Variants in CSMD1 observed in about 807,000 individuals in gnomAD.
CSMD1 encodes the protein CUB and Sushi multiple domains 1.
CSMD1 carries 213 observed loss-of-function variants against 417.5 expected under a neutral mutation model. That is an observed-to-expected ratio of 0.51 (90% CI 0.46 to 0.57). CSMD1 has a LOEUF of 0.57. CSMD1 is among the 20% of genes least tolerant of loss of function. The pLI is 0.00. For missense variants in CSMD1, 6,923 were observed against 4,529.7 expected (o/e 1.53, Z -15.17); for synonymous variants, 2,862 against 1,736.8 (o/e 1.65, Z -16.11).
rs1160679199 is a variant in CSMD1, at chr8:3,729,922, T to TAAAAAAAA, written c.932-21439_932-21432dup. On this transcript the variant is annotated intron_variant, in intron 6 of 69. Transcript: ENST00000635120. ...AGAATTATTATTTGCCAATTCAAAG[T>TAAAAAAAA]AAAAAAAAAAAAAAAAAAAAAAAAA... Among the ~76,000 whole-genome samples the TAAAAAAAA allele has an allele frequency of 1.2e-3, 57 of 47,060 alleles. 4 individuals are homozygous for TAAAAAAAA. The highest frequency in any genetic ancestry group is 7.4e-3 in the African/African-American group (54 of 7,314). 30.9% of individuals were successfully genotyped at this position (47,060 alleles called of 152,430 possible).
chr8:4,114,133 G>A (rs988837033), intron 3 of CSMD1, among the ~76,000 whole-genome samples: 7 of 152,250 alleles, frequency 4.6e-5, no homozygotes, highest in Middle Eastern at 6.8e-3. Flanking sequence ...GAGGAAAGAG[G>A]GTAAGTCAAT....
intron 26 of CSMD1, among the ~76,000 whole-genome samples, chr8:3,272,859 C>G (rs1361301443): frequency 6.6e-6 from 1 of 150,640 alleles, no homozygotes; most frequent in African/African-American, 2.5e-5. Flanking sequence ...TCCAGATATA[C>G]AATCATGTCG....
intron 2 of CSMD1, among the ~76,000 whole-genome samples, chr8:4,630,265 TACACACACACACAC>T (rs57214957): frequency 1.5e-4 from 23 of 149,044 alleles, no homozygotes; most frequent in African/African-American, 2.5e-4. Flanking sequence ...ACACAGCAAA[TACACACACACACAC>T]ACACACACAC....
chr8:4,252,776 C>A (rs1200795892), intron 3 of CSMD1, among the ~76,000 whole-genome samples: 1 of 152,224 alleles, frequency 6.6e-6, no homozygotes, highest in African/African-American at 2.4e-5. Context: ...ACATACACCA[C>A]TGACATTTAT....
chr8:3,602,359 G>C (rs951224080), intron 8 of CSMD1, among the ~76,000 whole-genome samples: 4 of 152,074 alleles, frequency 2.6e-5, no homozygotes, highest in African/African-American at 9.7e-5. Context: ...TTCCGGTGGA[G>C]GCATAGAGGA....
chr8:4,174,926 A>T (rs1380630699), intron 3 of CSMD1, among the ~76,000 whole-genome samples: 1 of 151,150 alleles, frequency 6.6e-6, no homozygotes, highest in Non-Finnish European at 1.5e-5. Flanking sequence ...AACTGATGTC[A>T]ACTCCTTAAT....
At chr8:4,720,516 C>T (rs549060277) in intron 1 of CSMD1, among the ~76,000 whole-genome samples, 11 of 152,220 alleles carry the variant, frequency 7.2e-5, no homozygotes, top group South Asian at 2.1e-4. Context: ...CTCCTGGGTT[C>T]AAGCAAGTCT....
chr8:4,491,611 CAAG>C (rs1219118429), intron 2 of CSMD1, among the ~76,000 whole-genome samples: 5 of 152,026 alleles, frequency 3.3e-5, no homozygotes, highest in Non-Finnish European at 7.4e-5. Context: ...AAAAAAGATA[CAAG>C]GAGAGTAAAT....
chr8:4,710,077 G>T (rs1808192834), intron 1 of CSMD1, among the ~76,000 whole-genome samples: 1 of 152,108 alleles, frequency 6.6e-6, no homozygotes, highest in Non-Finnish European at 1.5e-5. Flanking sequence ...TCTGGGGCAA[G>T]AACACAAAAT....
At chr8:4,992,287 G>T (rs1811512010) in intron 1 of CSMD1, among the ~76,000 whole-genome samples, 1 of 152,122 alleles carries the variant, frequency 6.6e-6, no homozygotes, top group Non-Finnish European at 1.5e-5. Flanking sequence ...GGCGGAATCC[G>T]CCCGGCACAC....
At chr8:4,948,127 T>G (rs1808490492) in intron 1 of CSMD1, among the ~76,000 whole-genome samples, 1 of 152,096 alleles carries the variant, frequency 6.6e-6, no homozygotes, top group Non-Finnish European at 1.5e-5. Flanking sequence ...CGTATCAATT[T>G]ATACTACTAT....
chr8:4,219,854 G>C (rs975196430), intron 3 of CSMD1, among the ~76,000 whole-genome samples: 2 of 152,260 alleles, frequency 1.3e-5, no homozygotes, highest in African/African-American at 2.4e-5. Flanking sequence ...GTAGTGGGGA[G>C]TGCATAGAAA....
At chr8:3,981,442 A>G (rs977490329) in intron 5 of CSMD1, among the ~76,000 whole-genome samples, 6 of 150,968 alleles carry the variant, frequency 4.0e-5, no homozygotes, top group African/African-American at 1.2e-4. Flanking sequence ...AATCACCGCT[A>G]AAGAACTTAC....
At chr8:3,448,094 G>T (rs1435588976) in intron 12 of CSMD1, among the ~76,000 whole-genome samples, 1 of 151,574 alleles carries the variant, frequency 6.6e-6, no homozygotes, top group South Asian at 2.1e-4. Context: ...CTAAAAATAA[G>T]ATAGAAGGGT....
At chr8:3,451,472 C>T (rs1269577144) in intron 12 of CSMD1, among the ~76,000 whole-genome samples, 1 of 152,158 alleles carries the variant, frequency 6.6e-6, no homozygotes, top group Non-Finnish European at 1.5e-5. Flanking sequence ...GTGTCCAATT[C>T]ATCTTGAATT....
At chr8:3,258,285 G>T (rs1036821468) in intron 26 of CSMD1, among the ~76,000 whole-genome samples, 6 of 152,084 alleles carry the variant, frequency 3.9e-5, no homozygotes, top group African/African-American at 1.2e-4. Flanking sequence ...ATGGACAAAG[G>T]ACATGAACAG....
At chr8:4,993,554 G>A (rs1308705139) in intron 1 of CSMD1, among the ~76,000 whole-genome samples, 4 of 152,132 alleles carry the variant, frequency 2.6e-5, no homozygotes, top group East Asian at 1.9e-4. Context: ...AGCTCACAGA[G>A]CCCCAAGCCC....
At chr8:4,841,089 A>G (rs1800812603) in intron 1 of CSMD1, among the ~76,000 whole-genome samples, 1 of 152,222 alleles carries the variant, frequency 6.6e-6, no homozygotes, top group Non-Finnish European at 1.5e-5. Context: ...CACCTGCTCT[A>G]AAGGATCTTT....
intron 5 of CSMD1, among the ~76,000 whole-genome samples, chr8:3,800,103 C>T (rs1262701430): frequency 6.6e-6 from 1 of 152,082 alleles, no homozygotes; most frequent in Non-Finnish European, 1.5e-5. Context: ...TGCTAAGATC[C>T]ACTGAAGTAT....
Sources: gnomAD v4.1 joint callset for allele counts (sites outside exome capture counted in the v4.1 genomes callset) on GRCh38, gnomAD v4.1.1 for gene constraint, MANE v1.5 for transcripts, NCBI Gene and HGNC (gene_info 2026-07-23, HGNC 2026-07-21) for gene names.